Variants in ZNFX1 observed in about 807,000 individuals in gnomAD.
The protein encoded by ZNFX1 is zinc finger NFX1-type containing 1, also known as NFX1-type zinc finger-containing protein 1.
A neutral mutation model predicts 179.8 loss-of-function variants in ZNFX1; 78 were observed. That is an observed-to-expected ratio of 0.43 (90% CI 0.36 to 0.52). The LOEUF is 0.52. Among genes scored for constraint, ZNFX1 ranks in the 20% least tolerant of loss-of-function variants. The pLI is 0.00. For synonymous variants in ZNFX1, 848 were observed against 868.5 expected (o/e 0.98, Z 0.42); for missense variants, 1,927 against 2,386.6 (o/e 0.81, Z 4.01).
At chr20:49,256,922 G>A (rs903225983) in intron 8 of ZNFX1, among the ~76,000 whole-genome samples, 1 of 152,216 alleles carries the variant, frequency 6.6e-6, no homozygotes, top group African/African-American at 2.4e-5. Flanking sequence ...GGAGCAGAGG[G>A]AAGGCTACAT....
chr20:49,265,760 G>T (rs1981219746), intron 4 of ZNFX1, among the ~76,000 whole-genome samples: 1 of 152,180 alleles, frequency 6.6e-6, no homozygotes, highest in Admixed American at 6.5e-5. Context: ...TGGGGCTATA[G>T]AAAAAGTCCA....
chr20:49,260,273 G>A (rs1358637649), intron 7 of ZNFX1, among the ~76,000 whole-genome samples, 190 bp downstream of exon 7: 2 of 134,106 alleles, frequency 1.5e-5, no homozygotes, highest in African/African-American at 5.5e-5. Flanking sequence ...TGGGCAACAA[G>A]AGTGAAACTC....
chr20:49,268,390 C>T (rs1723147128), intron 3 of ZNFX1, among the ~76,000 whole-genome samples: 1 of 152,114 alleles, frequency 6.6e-6, no homozygotes, highest in Non-Finnish European at 1.5e-5. Flanking sequence ...GTATCTATTA[C>T]TATGCATGAC....
rs1254576708 is a variant in ZNFX1, at chr20:49,271,434, C to T, written c.378G>A (p.Gln126=). Residue 126 remains glutamine (Q), a synonymous_variant, in exon 3 of 14, where the codon CAG becomes CAA. Coordinates refer to ENST00000396105, the MANE Select transcript of ZNFX1 (RefSeq NM_021035.3). ...RPPWSNDNFQ[Q]WRTPHQKPTE... is the part of the protein sequence containing the mutation. ...TAGGCTTCTGGTGGGGAGTCCGCCA[C>T]TGCTGGAAGTTGTCATTGGACCATG... 6.2e-7 allele frequency: 1 copy of T among 1,614,224 alleles called. No homozygotes were observed. The highest frequency in any genetic ancestry group is 1.7e-5 in the Admixed American group (1 of 60,022).
At position 49,263,261 on chromosome 20, in the gene ZNFX1, G is replaced by C; in HGVS notation, c.2301+73C>G. 2.6e-6 allele frequency: 4 copies of C among 1,556,062 alleles called. No homozygotes were observed. The South Asian group carries it at 3.5e-5, about 14-fold the overall frequency. On this transcript the variant is annotated intron_variant, in intron 6 of 13. Transcript: ENST00000396105. ...TATCAAACAGGTAAAGTTTTGGACT[G>C]ATGCTTCTCCTGGAGGCTACCTCAA...
At chr20:49,267,234 C>T (rs917063068) in intron 3 of ZNFX1, among the ~76,000 whole-genome samples, 1 of 152,162 alleles carries the variant, frequency 6.6e-6, no homozygotes, top group Non-Finnish European at 1.5e-5. Context: ...GTAAGGTAGA[C>T]ACTGTCCTCA....
At chr20:49,253,346 T>C (rs767693227) in intron 11 of ZNFX1, among the ~76,000 whole-genome samples, 7 of 152,098 alleles carry the variant, frequency 4.6e-5, no homozygotes, top group Non-Finnish European at 1.0e-4. Flanking sequence ...TTGGCTCCTT[T>C]ATGTAGAGTG....
At chr20:49,267,595 C>T (rs1192013835) in intron 3 of ZNFX1, among the ~76,000 whole-genome samples, 1 of 150,770 alleles carries the variant, frequency 6.6e-6, no homozygotes, top group Non-Finnish European at 1.5e-5. Flanking sequence ...AGTAATTTAG[C>T]AGTAGCTATT....
intron 9 of ZNFX1, among the ~76,000 whole-genome samples, chr20:49,255,226 G>C: frequency 6.6e-6 from 1 of 151,920 alleles, no homozygotes; most frequent in East Asian, 1.9e-4. Context: ...TGTGTTTTTA[G>C]TAGAGACGGG....
rs996226369 is a variant in ZNFX1, at chr20:49,253,894, C to A, written c.2960-83G>T. On this transcript the variant is annotated intron_variant, in intron 10 of 13. Coordinates refer to ENST00000396105, the MANE Select transcript of ZNFX1 (RefSeq NM_021035.3). ...CCACTGGGCCTCTGGGAATCCACTT[C>A]TGTATCTTCCCTGAACCTGCATCAG... is the stretch of plus-strand genomic sequence containing the variant. The A allele has an allele frequency of 1.2e-5, 18 of 1,518,056 alleles. No homozygotes were observed. The African/African-American group carries it at 2.3e-4, about 20-fold the overall frequency. The allele number at this position is 1,518,056 out of a possible 1,614,324, so 94.0% of individuals were successfully genotyped here.
chr20:49,273,746 A>G (rs1239634537), intron 2 of ZNFX1, among the ~76,000 whole-genome samples: 2 of 152,158 alleles, frequency 1.3e-5, no homozygotes. Flanking sequence ...CCTGGGCAAC[A>G]TGGAGAAACC....
Position 49,248,932 on chromosome 20 carries a change from G to A in ZNFX1, c.4092C>T (p.Ser1364=), listed in dbSNP as rs562687436. Residue 1364 remains serine, a synonymous_variant, in exon 14 of 14, where the codon TCC becomes TCT. Coordinates refer to ENST00000396105, the MANE Select transcript of ZNFX1 (RefSeq NM_021035.3). This position sits in a 1 kb window ranked among gnomAD's most constrained non-coding sequence, Gnocchi z 4.6. The part of the protein sequence containing the change: ...RCGHEQMVPC[S]VPESDFCCQE... Reference sequence around the variant, plus strand: ...GGCAGCAGAAATCTGACTCAGGCACGGAACAAGGGACCATTTGTTCATGGC... The same window carrying A: ...GGCAGCAGAAATCTGACTCAGGCACAGAACAAGGGACCATTTGTTCATGGC... The A allele has an allele frequency of 6.2e-6, 10 of 1,614,128 alleles. No homozygotes were observed. Among genetic ancestry groups the A allele is most frequent in the South Asian group, 1.1e-5 (1 of 91,088 alleles).
intron 2 of ZNFX1, among the ~76,000 whole-genome samples, chr20:49,275,578 A>G (rs1358805468): frequency 6.6e-6 from 1 of 152,132 alleles, no homozygotes; most frequent in Non-Finnish European, 1.5e-5. Context: ...GCTGGTCTCA[A>G]TCCCCTGGGC....
intron 2 of ZNFX1, among the ~76,000 whole-genome samples, chr20:49,273,220 C>A (rs1425791088): frequency 1.1e-4 from 17 of 152,082 alleles, no homozygotes; most frequent in Admixed American, 1.1e-3. Context: ...GCAACCTCCG[C>A]CTCCCGGGTT....
At chr20:49,266,327 C>A in intron 3 of ZNFX1, 61 bp from the exon 4 acceptor site, 2 of 1,471,892 alleles carry the variant, frequency 1.4e-6, no homozygotes, top group South Asian at 1.3e-5. Flanking sequence ...AGTAATTACT[C>A]AGAGCAAAAT....
At chr20:49,251,448 AGC>A (rs1980834477) in intron 13 of ZNFX1, 77 bp downstream of exon 13, 10 of 1,402,254 alleles carry the variant, frequency 7.1e-6, no homozygotes, top group Middle Eastern at 2.1e-4. Context: ...GCCGCTGAAA[AGC>A]TTTTTTATCT....
At chr20:49,260,233 G>A (rs1484030803) in intron 7 of ZNFX1, among the ~76,000 whole-genome samples, 1 of 146,410 alleles carries the variant, frequency 6.8e-6, no homozygotes, top group Non-Finnish European at 1.5e-5. Context: ...AGGTTGCAGT[G>A]AGCCGAGATC....
chr20:49,263,415 C>T lies in ZNFX1; in HGVS notation c.2220G>A (p.Met740Ile). 1 of 1,613,184 alleles carries T rather than the reference C, an allele frequency of 6.2e-7. No individual in the cohort carries two copies. The highest frequency in any genetic ancestry group is 8.5e-7 in the Non-Finnish European group (1 of 1,179,592). Residue 740 changes from methionine (M) to isoleucine (I), a missense_variant, in exon 6 of 14, where the codon ATG becomes ATA. Transcript: ENST00000396105. ...HEGAKTLECTMRGVLREQYLQ... is the reference protein window; with the variant it reads ...HEGAKTLECTIRGVLREQYLQ... ...GGTACTGTTCCCGTAGGACACCACG[C>T]ATGGTGCACTCCAGGGTCTTGGCTC...
Position 49,271,485 on chromosome 20 carries a change from G to T in ZNFX1, c.327C>A (p.Asn109Lys). Residue 109 changes from asparagine to lysine, a missense_variant, in exon 3 of 14, where the codon AAC becomes AAA. By Grantham distance (94) the Asn-to-Lys change is moderately conservative (BLOSUM62 0). Coordinates refer to ENST00000396105, the MANE Select transcript of ZNFX1 (RefSeq NM_021035.3). ...QENDTRWRNG[N>K]QDCRNRRPPW... is the part of the protein sequence containing the mutation. ...GTGGTCTGCGGTTCCTACAGTCCTG[G>T]TTGCCATTTCTCCACCTGGTGTCAT... 3 of 1,614,126 alleles carry T rather than the reference G, an allele frequency of 1.9e-6. No individual in the cohort carries two copies. Among genetic ancestry groups the T allele is most frequent in the Non-Finnish European group, 2.5e-6 (3 of 1,180,020 alleles).
Sources: gnomAD v4.1 joint callset for allele counts (sites outside exome capture counted in the v4.1 genomes callset) on GRCh38, gnomAD v4.1.1 for gene constraint, Gnocchi (gnomAD v3.1) non-coding constraint, MANE v1.5 for transcripts, NCBI Gene and HGNC (gene_info 2026-07-23, HGNC 2026-07-21) for gene names.